GNG4: variants seen among roughly 807,000 people sequenced by gnomAD.
GNG4 encodes the protein guanine nucleotide-binding protein G(I)/G(S)/G(O) subunit gamma-4.
A neutral mutation model predicts 5.8 loss-of-function variants in GNG4; 4 were observed. That is an observed-to-expected ratio of 0.69 (90% CI 0.34 to 1.57). The LOEUF is 1.57. GNG4 is among the 40% of genes most tolerant of loss of function. The pLI is 0.06. For missense variants in GNG4, 96 were observed against 95.1 expected (o/e 1.01, Z -0.04); for synonymous variants, 29 against 32.9 (o/e 0.88, Z 0.41).
chr1:235,565,133 G>A lies in GNG4; in HGVS notation c.100-12896C>T, dbSNP rs981493064. 2.0e-5 allele frequency among the ~76,000 whole-genome samples: 3 copies of A among 152,312 alleles called. No homozygotes were observed. In the East Asian group the frequency reaches 5.8e-4, roughly 29 times the overall value. On this transcript the variant is annotated intron_variant, in intron 3 of 3. Coordinates refer to ENST00000391854, the MANE Select transcript of GNG4 (RefSeq NM_001098722.2). ...TGTGCAGAGTCCAGAGGAGGCAGGA[G>A]ACCACTCGGGCCATGGTGCTGGCAA...
intron 1 of GNG4, among the ~76,000 whole-genome samples, chr1:235,597,730 A>T (rs1199252868): frequency 6.7e-6 from 1 of 149,708 alleles, no homozygotes; most frequent in African/African-American, 2.5e-5. Context: ...GATTCAAGTG[A>T]TTCTCCTGCC....
intron 2 of GNG4, among the ~76,000 whole-genome samples, chr1:235,592,394 A>G (rs868687453): frequency 1.4e-4 from 21 of 151,400 alleles, no homozygotes; most frequent in Middle Eastern, 3.4e-3. Context: ...CTGTAATCCC[A>G]GCTACTCAGG....
At chr1:235,625,980 G>A (rs1417048434) in intron 1 of GNG4, among the ~76,000 whole-genome samples, 1 of 152,214 alleles carries the variant, frequency 6.6e-6, no homozygotes, top group Non-Finnish European at 1.5e-5. Flanking sequence ...TATGGGAAGA[G>A]GAGGTGTCGT....
chr1:235,587,790 G>GTC (rs1558486688), intron 2 of GNG4, among the ~76,000 whole-genome samples: 1 of 143,396 alleles, frequency 7.0e-6, no homozygotes, highest in Admixed American at 6.9e-5. Flanking sequence ...GTGTGTGTGT[G>GTC]TGTGAAGGTG....
At chr1:235,587,416 G>T (rs1687809213) in intron 2 of GNG4, among the ~76,000 whole-genome samples, 1 of 92,690 alleles carries the variant, frequency 1.1e-5, no homozygotes, top group Non-Finnish European at 2.2e-5. Context: ...GGTGAGGGGT[G>T]GGGGTGTGTG....
chr1:235,597,771 GCCCACCACC>G (rs1350580074), intron 1 of GNG4, among the ~76,000 whole-genome samples: 1 of 151,634 alleles, frequency 6.6e-6, no homozygotes, highest in East Asian at 1.9e-4. Context: ...GATTACAGGT[GCCCACCACC>G]ACACCTGGCT....
At chr1:235,645,564 G>A (rs998948204) in intron 1 of GNG4, among the ~76,000 whole-genome samples, 1 of 152,080 alleles carries the variant, frequency 6.6e-6, no homozygotes, top group Non-Finnish European at 1.5e-5. Context: ...CTGGGAGGCC[G>A]AGTCAGGTGG....
chr1:235,554,091 C>CT (rs113870835), intron 3 of GNG4, among the ~76,000 whole-genome samples: 1 of 152,138 alleles, frequency 6.6e-6, no homozygotes, highest in African/African-American at 2.4e-5. Context: ...TCACAAGGAG[C>CT]AGGAGCACAG....
intron 2 of GNG4, among the ~76,000 whole-genome samples, chr1:235,593,546 C>T (rs1435006828): frequency 6.6e-6 from 1 of 152,256 alleles, no homozygotes; most frequent in African/African-American, 2.4e-5. Context: ...GGTTCTTGGT[C>T]TCACCAACTT....
At chr1:235,579,862 A>AAAAAAAAAAAAAAAAAAAAAAAT (rs57019025) in intron 3 of GNG4, among the ~76,000 whole-genome samples, 2 of 108,578 alleles carry the variant, frequency 1.8e-5, no homozygotes, top group Non-Finnish European at 1.8e-5. Context: ...CAAAAAAAAA[A>AAAAAAAAAAAAAAAAAAAAAAAT]AGGTAAAAAG....
At chr1:235,635,145 T>C (rs1395218666) in intron 1 of GNG4, among the ~76,000 whole-genome samples, 4 of 152,082 alleles carry the variant, frequency 2.6e-5, no homozygotes, top group African/African-American at 9.7e-5. Flanking sequence ...AGTTTAAACA[T>C]TTATAAATTA....
chr1:235,630,572 C>T (rs755518521), intron 1 of GNG4, among the ~76,000 whole-genome samples: 1 of 152,196 alleles, frequency 6.6e-6, no homozygotes, highest in Non-Finnish European at 1.5e-5. Context: ...CAATTCAAGG[C>T]CTCTGGAGCA....
chr1:235,621,928 C>T (rs1384711317), intron 1 of GNG4, among the ~76,000 whole-genome samples: 3 of 152,114 alleles, frequency 2.0e-5, no homozygotes, highest in Non-Finnish European at 4.4e-5. Context: ...CCTCCCACCT[C>T]GGCCTCCCAG....
rs1046244533 is a variant in GNG4, at chr1:235,647,935, C to T, written c.-123+1727G>A. On this transcript the variant is annotated intron_variant, in intron 1 of 3. Coordinates refer to ENST00000391854, the MANE Select transcript of GNG4 (RefSeq NM_001098722.2). ...ACAGGCGATGTTCCCACCTGATGTT[C>T]TATCATTTCAAAGAATGCACTGAAT... is the stretch of plus-strand genomic sequence containing the variant. Among the ~76,000 whole-genome samples the T allele has an allele frequency of 3.3e-5, 5 of 152,296 alleles. No individual in the cohort carries two copies. The South Asian group carries it at 1.0e-3, about 32-fold the overall frequency.
chr1:235,568,883 GTGGTGTGATCC>G (rs1687269404), intron 3 of GNG4, among the ~76,000 whole-genome samples: 1 of 150,540 alleles, frequency 6.6e-6, no homozygotes, highest in Non-Finnish European at 1.5e-5. Flanking sequence ...CTGGAGTGCA[GTGGTGTGATCC>G]CGGCTCACTG....
intron 1 of GNG4, among the ~76,000 whole-genome samples, chr1:235,646,556 C>T (rs766559036): frequency 9.2e-5 from 14 of 152,228 alleles, no homozygotes; most frequent in Non-Finnish European, 1.8e-4. Flanking sequence ...ATCCGATCCT[C>T]GGAGACTGGG....
At chr1:235,587,280 A>C (rs1302779659) in intron 2 of GNG4, among the ~76,000 whole-genome samples, 1 of 45,856 alleles carries the variant, frequency 2.2e-5, no homozygotes, top group African/African-American at 1.3e-4. Flanking sequence ...GTGTGTGTGA[A>C]GGTGTGGGTT....
Position 235,649,489 on chromosome 1 carries a change from C to CACAG in GNG4, c.-123+169_-123+172dup, listed in dbSNP as rs1657602974. 1.3e-5 allele frequency among the ~76,000 whole-genome samples: 2 copies of CACAG among 152,052 alleles called. No homozygotes were observed. The highest frequency in any genetic ancestry group is 2.4e-5 in the African/African-American group (1 of 41,412). ...TCCCGGGAGAGGAGGCCGAGGGAAC[C>CACAG]ACAGGTCTTTGTGTCGCGTGCAGCA... On this transcript the variant is annotated intron_variant, in intron 1 of 3. Transcript: ENST00000391854. This position sits in a 1 kb window ranked among gnomAD's most constrained non-coding sequence, Gnocchi z 5.7.
chr1:235,593,454 C>T (rs904200255), intron 2 of GNG4, among the ~76,000 whole-genome samples: 1 of 152,226 alleles, frequency 6.6e-6, no homozygotes, highest in African/African-American at 2.4e-5. Context: ...TGTCCATGAG[C>T]ACTTGACAAG....
Sources: allele counts gnomAD v4.1 joint callset (sites outside exome capture counted in the v4.1 genomes callset), GRCh38; gene constraint gnomAD v4.1.1; non-coding constraint Gnocchi (gnomAD v3.1); transcripts MANE v1.5; gene names NCBI Gene and HGNC (gene_info 2026-07-23, HGNC 2026-07-21).